The following CHRNA3 variants were observed in gnomAD, a reference collection of about 807,000 sequenced individuals.
The protein encoded by CHRNA3 is cholinergic receptor nicotinic alpha 3 subunit.
Under a neutral mutation model 41.9 loss-of-function variants are expected in CHRNA3, and 34 were observed. That is an observed-to-expected ratio of 0.81 (90% CI 0.62 to 1.08). CHRNA3 has a LOEUF of 1.08. CHRNA3 is among the 50% of genes least tolerant of loss of function. CHRNA3 has a pLI of 0.00. For missense variants in CHRNA3, 542 were observed against 638.3 expected, an observed-to-expected ratio of 0.85 and a Z score of 1.63; for synonymous variants, 281 against 265.2, an observed-to-expected ratio of 1.06 and a Z score of -0.58.
At chr15:78,614,978 A>G (rs1414895899) in intron 4 of CHRNA3, among the ~76,000 whole-genome samples, 1 of 152,170 alleles carries the variant, frequency 6.6e-6, no homozygotes, top group Non-Finnish European at 1.5e-5. Context: ...GAGGCCTCCC[A>G]AAACTGGCGG....
chr15:78,604,581 G>T (rs1226020931), intron 4 of CHRNA3, among the ~76,000 whole-genome samples: 1 of 152,206 alleles, frequency 6.6e-6, no homozygotes, highest in Non-Finnish European at 1.5e-5. Flanking sequence ...CCTGTGTGCT[G>T]CCTGGGGCAG....
At chr15:78,603,778 T>C (rs1361420377) in intron 4 of CHRNA3, among the ~76,000 whole-genome samples, 1 of 152,210 alleles carries the variant, frequency 6.6e-6, no homozygotes, top group Non-Finnish European at 1.5e-5. Flanking sequence ...GTTGGCTAGT[T>C]TGCCCCCAAT....
chr15:78,595,270 TC>T, downstream of CHRNA3: 1 of 984,656 alleles, frequency 1.0e-6, no homozygotes, highest in East Asian at 1.1e-4. Context: ...TTTATCGACA[TC>T]TTTCTTTTGA....
chr15:78,606,871 T>C (rs7183604), intron 4 of CHRNA3, among the ~76,000 whole-genome samples: 107,971 of 151,742 alleles, frequency 0.71, 39,200 homozygotes, highest in Non-Finnish European at 0.77. Flanking sequence ...CACGAGAGTC[T>C]GTCTCAAAAA....
intron 5 of CHRNA3, among the ~76,000 whole-genome samples, chr15:78,599,667 T>A (rs1267791557): frequency 1.3e-5 from 2 of 148,594 alleles, no homozygotes; most frequent in Non-Finnish European, 3.0e-5. Context: ...CCTGGATTTA[T>A]TTCTCTTCTT....
chr15:78,594,885 A>C (rs1164096110), downstream of CHRNA3: 3 of 152,202 alleles, frequency 2.0e-5, no homozygotes, highest in Admixed American at 6.5e-5. Context: ...AGCGTAAATG[A>C]TTTAGTACAG....
downstream of CHRNA3, chr15:78,594,930 T>C (rs2053075667): frequency 6.6e-6 from 1 of 152,174 alleles, no homozygotes; most frequent in Non-Finnish European, 1.5e-5. Flanking sequence ...TTAAATTCCA[T>C]CTCTAAATGT....
intron 3 of CHRNA3, among the ~76,000 whole-genome samples, chr15:78,618,026 T>A (rs2053491154): frequency 6.6e-6 from 1 of 152,140 alleles, no homozygotes. Flanking sequence ...GTGTGTGGTT[T>A]GCTTGAGATC....
intron 4 of CHRNA3, among the ~76,000 whole-genome samples, chr15:78,616,367 C>CAAA (rs146600996): frequency 3.7e-5 from 5 of 134,958 alleles, no homozygotes; most frequent in African/African-American, 1.3e-4. Flanking sequence ...CCCACCCCCC[C>CAAA]AAAAAAAAAG....
chr15:78,607,973 A>G, intron 4 of CHRNA3, among the ~76,000 whole-genome samples: 1 of 152,228 alleles, frequency 6.6e-6, no homozygotes, highest in Non-Finnish European at 1.5e-5. Flanking sequence ...GCTGATGGCT[A>G]GCACAGCAGT....
At chr15:78,610,752 A>G (rs2053367558) in intron 4 of CHRNA3, among the ~76,000 whole-genome samples, 1 of 151,866 alleles carries the variant, frequency 6.6e-6, no homozygotes, top group Non-Finnish European at 1.5e-5. Flanking sequence ...AAATAGAGAC[A>G]CAAAAAACCC....
In CHRNA3 at chr15:78,602,385, A is replaced by G. The variant is rs2053219878; in HGVS notation, c.378-121T>C. On this transcript the variant is annotated intron_variant, in intron 4 of 5. Coordinates refer to ENST00000326828, the MANE Select transcript of CHRNA3 (RefSeq NM_000743.5). ...TGGAAGGCACTGGAAGATGAGAGCT[A>G]AAGTGCCATAAAAGGTCACCCATTT... The G allele has an allele frequency of 1.1e-5, 12 of 1,130,774 alleles. No homozygotes were observed. In the Middle Eastern group the frequency reaches 9.1e-4, roughly 86 times the overall value. 70.0% of individuals were successfully genotyped at this position (1,130,774 alleles called of 1,614,324 possible).
chr15:78,603,184 T>C lies in CHRNA3; in HGVS notation c.378-920A>G, dbSNP rs544891922. On this transcript the variant is annotated intron_variant, in intron 4 of 5. Coordinates refer to ENST00000326828, the MANE Select transcript of CHRNA3 (RefSeq NM_000743.5). ...ATGTACCACAAACGCTCAGCTACTT[T>C]TTCTATTTTTAGTAGGGATGGAGTT... is the stretch of plus-strand genomic sequence containing the variant. 2.0e-5 allele frequency among the ~76,000 whole-genome samples: 3 copies of C among 152,306 alleles called. No individual in the cohort carries two copies. The South Asian group carries it at 6.2e-4, about 32-fold the overall frequency.
chr15:78,617,231 G>A lies in CHRNA3; in HGVS notation c.268-98C>T, dbSNP rs1221190655. 6.9e-6 allele frequency: 5 copies of A among 726,976 alleles called. No homozygotes were observed. The East Asian group carries it at 1.1e-4, about 15-fold the overall frequency. The allele number at this position is 726,976 out of a possible 1,614,324, so 45.0% of individuals were successfully genotyped here. The stretch of plus-strand genomic sequence containing the variant: ...CCCATCTTGGTGACTCCCCACCCCT[G>A]CTGCATGTGACCGAACCACATCCAT... On this transcript the variant is annotated intron_variant, in intron 3 of 5. Transcript: ENST00000326828.
chr15:78,594,360 C>T (rs1273263589), downstream of CHRNA3: 1 of 152,136 alleles, frequency 6.6e-6, no homozygotes, highest in African/African-American at 2.4e-5. Flanking sequence ...CAGTCCACTA[C>T]AATTACATGA....
chr15:78,603,704 T>C (rs1230849901), intron 4 of CHRNA3, among the ~76,000 whole-genome samples: 1 of 152,200 alleles, frequency 6.6e-6, no homozygotes, highest in Non-Finnish European at 1.5e-5. Flanking sequence ...CTCCTGGGTC[T>C]CGGTTGAGCA....
Position 78,620,735 on chromosome 15 carries a change from C to G in CHRNA3, c.60G>C (p.Leu20=). The part of the protein sequence containing the change: ...LALSPPRLLL[L]LLLSLLPVAR... ...TACCTGGCAGCAGAGACAGCAGCAG[C>G]AGCAGCAGCAGCCGCGGCGGCGACA... Residue 20 remains leucine (L), a synonymous_variant, in exon 1 of 6, where the codon CTG becomes CTC. Transcript: ENST00000326828. The G allele has an allele frequency of 2.7e-6, 4 of 1,500,420 alleles. No individual in the cohort carries two copies. The highest frequency in any genetic ancestry group is 3.5e-6 in the Non-Finnish European group (4 of 1,131,500). 92.9% of individuals were successfully genotyped at this position (1,500,420 alleles called of 1,614,324 possible). A position where few individuals can be genotyped will look rare whatever the true frequency, so the allele number is the denominator to read the frequency against.
rs1398128746 is a variant in CHRNA3, at chr15:78,596,847, T to C, written c.1390-115A>G. The C allele has an allele frequency of 1.1e-5, 16 of 1,406,902 alleles. No homozygotes were observed. In the Admixed American group the frequency reaches 4.5e-4, roughly 39 times the overall value. 87.2% of individuals were successfully genotyped at this position (1,406,902 alleles called of 1,614,324 possible). On this transcript the variant is annotated intron_variant, in intron 5 of 5. Transcript: ENST00000326828. ...AGTAGAAGCCATTTTGTCTCTAATA[T>C]GTAAGAAGCCCTTTTTTTCCTAATT...
Position 78,602,171 on chromosome 15 carries a change from G to A in CHRNA3, c.471C>T (p.Ser157=), listed in dbSNP as rs143083384. The A allele has an allele frequency of 1.9e-4, 302 of 1,614,008 alleles. 1 individual carries two copies. Among genetic ancestry groups the A allele is most frequent in the Non-Finnish European group, 2.1e-4 (248 of 1,180,032 alleles). Residue 157 remains serine (S), a synonymous_variant, in exon 5 of 6, where the codon AGC becomes AGT. Coordinates refer to ENST00000326828, the MANE Select transcript of CHRNA3 (RefSeq NM_000743.5). The part of the protein sequence containing the change: ...VTWIPPAIFK[S]SCKIDVTYFP... Reference sequence around the variant, plus strand: ...AGTAGGTCACGTCGATTTTACAGGAGCTCTTAAAGATGGCCGGAGGTATCC... The same window carrying A: ...AGTAGGTCACGTCGATTTTACAGGAACTCTTAAAGATGGCCGGAGGTATCC...
Sources: gnomAD v4.1 joint callset for allele counts (sites outside exome capture counted in the v4.1 genomes callset) on GRCh38, gnomAD v4.1.1 for gene constraint, MANE v1.5 for transcripts, NCBI Gene and HGNC (gene_info 2026-07-23, HGNC 2026-07-21) for gene names.